Variants in RBFOX1 observed in about 807,000 individuals in gnomAD.
The protein encoded by RBFOX1 is RNA binding fox-1 homolog 1.
A neutral mutation model predicts 57.7 loss-of-function variants in RBFOX1; 8 were observed. The observed-to-expected ratio is 0.14, with a 90% CI of 0.08 to 0.25. The LOEUF (loss-of-function observed/expected upper bound fraction) is 0.25, where lower values mean the gene tolerates loss of function less well. Among genes scored for constraint, RBFOX1 ranks in the 10% least tolerant of loss-of-function variants. The pLI, the probability that RBFOX1 is intolerant of heterozygous loss-of-function variation, is 1.00. For missense variants in RBFOX1, 611 were observed against 548.5 expected, an observed-to-expected ratio of 1.11 and a Z score of -1.14; for synonymous variants, 326 against 222.4, an observed-to-expected ratio of 1.47 and a Z score of -4.15.
intron 2 of RBFOX1, among the ~76,000 whole-genome samples, chr16:6,558,018 A>G (rs2097128907): frequency 6.6e-6 from 1 of 152,192 alleles, no homozygotes; most frequent in African/African-American, 2.4e-5. Flanking sequence ...AACATTTTCT[A>G]GGAAAATTGA....
chr16:7,508,558 C>G (rs1448071585), intron 4 of RBFOX1, among the ~76,000 whole-genome samples: 1 of 152,144 alleles, frequency 6.6e-6, no homozygotes, highest in Non-Finnish European at 1.5e-5. Flanking sequence ...GAAAGGGCTG[C>G]TTGTTTTAAC....
At chr16:5,402,380 G>T (rs1358100858) in intron 1 of RBFOX1, among the ~76,000 whole-genome samples, 1 of 152,172 alleles carries the variant, frequency 6.6e-6, no homozygotes, top group Non-Finnish European at 1.5e-5. Flanking sequence ...CCTTGTGGAT[G>T]GGTGGAGAAG....
chr16:7,041,615 C>A (rs899432336), intron 3 of RBFOX1, among the ~76,000 whole-genome samples: 1 of 152,076 alleles, frequency 6.6e-6, no homozygotes, highest in South Asian at 2.1e-4. Flanking sequence ...GCTGCCCCCT[C>A]GAAACAGTCA....
intron 1 of RBFOX1, among the ~76,000 whole-genome samples, chr16:6,301,034 A>G (rs1193151095): frequency 1.3e-5 from 2 of 152,180 alleles, no homozygotes; most frequent in African/African-American, 2.4e-5. Flanking sequence ...AGTAACTTAC[A>G]TTATGTTCCT....
intron 3 of RBFOX1, among the ~76,000 whole-genome samples, chr16:5,767,132 C>T (rs1029488619): frequency 6.6e-6 from 1 of 152,194 alleles, no homozygotes; most frequent in Admixed American, 6.5e-5. Flanking sequence ...AGAGCCCCTA[C>T]CTAGGGCCGG....
At chr16:5,497,977 G>GA (rs576289830) in intron 2 of RBFOX1, among the ~76,000 whole-genome samples, 119 of 152,054 alleles carry the variant, frequency 7.8e-4, no homozygotes, top group Non-Finnish European at 1.3e-3. Context: ...CAGGCAGAGG[G>GA]AAAAAACATG....
At chr16:6,960,925 G>C (rs933265789) in intron 3 of RBFOX1, among the ~76,000 whole-genome samples, 1 of 148,720 alleles carries the variant, frequency 6.7e-6, no homozygotes, top group African/African-American at 2.5e-5. Context: ...CTTGAGGTCA[G>C]GAGACCAGCC....
chr16:5,381,969 C>A (rs1398632329), intron 1 of RBFOX1, among the ~76,000 whole-genome samples: 1 of 152,204 alleles, frequency 6.6e-6, no homozygotes, highest in Non-Finnish European at 1.5e-5. Flanking sequence ...TGTGGCATTC[C>A]TGTCCTCTAC....
intron 4 of RBFOX1, among the ~76,000 whole-genome samples, chr16:5,919,666 C>G (rs1021090929): frequency 1.8e-4 from 27 of 152,022 alleles, no homozygotes; most frequent in African/African-American, 6.5e-4. Context: ...GCGTATAATT[C>G]CATGGTATTT....
intron 7 of RBFOX1, among the ~76,000 whole-genome samples, chr16:7,593,881 T>C (rs923736462): frequency 6.6e-6 from 1 of 152,158 alleles, no homozygotes; most frequent in Non-Finnish European, 1.5e-5. Context: ...TCATCTACCC[T>C]CACTTGAATA....
chr16:7,077,900 G>A (rs2058554701), intron 4 of RBFOX1, among the ~76,000 whole-genome samples: 1 of 152,142 alleles, frequency 6.6e-6, no homozygotes. Flanking sequence ...TTGAGATTGT[G>A]CTTTTATTGA....
At chr16:7,409,211 A>G (rs566217044) in intron 4 of RBFOX1, among the ~76,000 whole-genome samples, 3 of 152,246 alleles carry the variant, frequency 2.0e-5, no homozygotes, top group African/African-American at 7.2e-5. Context: ...GGAGAATGAG[A>G]ATCTCTCTGA....
chr16:6,612,984 G>T (rs990620070), intron 2 of RBFOX1, among the ~76,000 whole-genome samples: 3 of 150,514 alleles, frequency 2.0e-5, no homozygotes, highest in Admixed American at 6.7e-5. Context: ...AGTGAGAGAA[G>T]GCAGGTGCCA....
chr16:6,695,914 A>G (rs889080572), intron 3 of RBFOX1, among the ~76,000 whole-genome samples: 1 of 152,206 alleles, frequency 6.6e-6, no homozygotes, highest in Non-Finnish European at 1.5e-5. Flanking sequence ...GCATATGGTG[A>G]AAATAGTGGA....
Position 6,551,340 on chromosome 16 carries a change from C to T in RBFOX1, c.-63-103263C>T, listed in dbSNP as rs151252054. Among the ~76,000 whole-genome samples the T allele has an allele frequency of 3.9e-3, 588 of 152,272 alleles. 9 individuals carry two copies. Among genetic ancestry groups the T allele is most frequent in the African/African-American group, 0.013 (549 of 41,552 alleles). The stretch of plus-strand genomic sequence containing the variant: ...GTCTGGGGCTGCCTCTTATTACCAG[C>T]GGCATCTCAGACTAGTTATTCAACA... On this transcript the variant is annotated intron_variant, in intron 2 of 15. Transcript: ENST00000550418.
At chr16:6,631,886 C>T (rs556218093) in intron 2 of RBFOX1, among the ~76,000 whole-genome samples, 1 of 152,054 alleles carries the variant, frequency 6.6e-6, no homozygotes, top group East Asian at 1.9e-4. Context: ...GTAAGAAGGT[C>T]ATTGTAGCCA....
In RBFOX1 at chr16:6,119,006, T is replaced by C. The variant is rs1416893644; in HGVS notation, c.-127+99014T>C. Among the ~76,000 whole-genome samples the C allele has an allele frequency of 2.2e-5, 3 of 139,184 alleles. No homozygotes were observed. The East Asian group carries it at 6.1e-4, about 28-fold the overall frequency. The allele number at this position is 139,184 out of a possible 152,430, so 91.3% of individuals were successfully genotyped here. ...CCTCCAGTCTGTGAATCTGTGACAA[T>C]TCCTCAGGTTTTTTTTTTTTTTGAT... On this transcript the variant is annotated intron_variant, in intron 1 of 15. Coordinates refer to ENST00000550418, the MANE Select transcript of RBFOX1 (RefSeq NM_018723.4).
At chr16:6,839,775 T>C (rs2093355250) in intron 3 of RBFOX1, among the ~76,000 whole-genome samples, 2 of 152,226 alleles carry the variant, frequency 1.3e-5, no homozygotes, top group Admixed American at 1.3e-4. Context: ...CATTTGGATG[T>C]AGAAAGTGGA....
intron 3 of RBFOX1, among the ~76,000 whole-genome samples, chr16:6,954,654 C>G (rs1486519579): frequency 6.6e-6 from 1 of 152,022 alleles, no homozygotes; most frequent in Non-Finnish European, 1.5e-5. Flanking sequence ...TAGGGCAGTT[C>G]TCCAATATCA....
Sources: allele counts gnomAD v4.1 joint callset (sites outside exome capture counted in the v4.1 genomes callset), GRCh38; gene constraint gnomAD v4.1.1; transcripts MANE v1.5; gene names NCBI Gene and HGNC (gene_info 2026-07-23, HGNC 2026-07-21).